The following NR3C2 variants were observed in gnomAD, a reference collection of about 807,000 sequenced individuals.
The protein encoded by NR3C2 is mineralocorticoid receptor.
In NR3C2, 15 loss-of-function variants were observed where a neutral mutation model predicts 86.4. The observed-to-expected ratio is 0.17, with a 90% CI of 0.12 to 0.27. The LOEUF (loss-of-function observed/expected upper bound fraction) is 0.27. Ranked by LOEUF, NR3C2 falls within the 10% of genes least tolerant of loss-of-function variation. The pLI is 1.00. For missense variants in NR3C2, 960 were observed against 1,195.6 expected (o/e 0.80, Z 2.91); for synonymous variants, 458 against 450.5 (o/e 1.02, Z -0.21).
At chr4:148,417,939 T>C (rs924907371) in intron 2 of NR3C2, among the ~76,000 whole-genome samples, 3 of 152,178 alleles carry the variant, frequency 2.0e-5, no homozygotes, top group African/African-American at 7.2e-5. Flanking sequence ...CTGACATTTT[T>C]ACTGGATTCT....
In NR3C2 at chr4:148,436,021, A is replaced by G. The variant is rs1359759506; in HGVS notation, c.840T>C (p.Ser280=). 1 of 1,614,122 alleles carries G rather than the reference A, an allele frequency of 6.2e-7. No homozygotes were observed. Among genetic ancestry groups the G allele is most frequent in the Non-Finnish European group, 8.5e-7 (1 of 1,180,012 alleles). The change falls in exon 2 of 9, where the codon AGT becomes AGC. Residue 280 remains serine, a synonymous_variant. Coordinates refer to ENST00000358102, the MANE Select transcript of NR3C2 (RefSeq NM_000901.5). ...SSISSPPSHC[S]VKSPVSSPNN... is the part of the protein sequence containing the mutation. ...TGGGACTGGAGACTGGAGATTTTAC[A>G]CTGCAGTGACTTGGAGGGCTGGAAA... is the stretch of plus-strand genomic sequence containing the variant.
chr4:148,217,021 T>C lies in NR3C2; in HGVS notation c.1898-22159A>G, dbSNP rs1011062476. Reference sequence around the variant, plus strand: ...AACTGAAACTGAAAGTTAAATTATATCAAGAGCAAAAAGTGGCAAGACAGC... The same window carrying C: ...AACTGAAACTGAAAGTTAAATTATACCAAGAGCAAAAAGTGGCAAGACAGC... On this transcript the variant is annotated intron_variant, in intron 3 of 8. Coordinates refer to ENST00000358102, the MANE Select transcript of NR3C2 (RefSeq NM_000901.5). 5.9e-5 allele frequency among the ~76,000 whole-genome samples: 9 copies of C among 152,126 alleles called. No homozygotes were observed. In the East Asian group the frequency reaches 1.3e-3, roughly 23 times the overall value.
intron 2 of NR3C2, among the ~76,000 whole-genome samples, chr4:148,387,166 C>G (rs1747306508): frequency 2.0e-5 from 3 of 152,184 alleles, no homozygotes; most frequent in African/African-American, 7.2e-5. Context: ...CTGCAGAAAG[C>G]TTAAAGCAGG....
At chr4:148,267,617 A>T (rs747745680) in intron 2 of NR3C2, among the ~76,000 whole-genome samples, 2 of 152,164 alleles carry the variant, frequency 1.3e-5, no homozygotes, top group Non-Finnish European at 2.9e-5. Context: ...CTTTGTGTGC[A>T]TATGGATTTC....
At position 148,320,602 on chromosome 4, in the gene NR3C2, T is replaced by C. The variant is rs1743511905; in HGVS notation, c.1758-60485A>G. The stretch of plus-strand genomic sequence containing the variant: ...ATTCAACTTCTTCCTAGTTTAGTCT[T>C]GGGAGAGTGTATGTGTCGAAGAAGT... On this transcript the variant is annotated intron_variant, in intron 2 of 8. Transcript: ENST00000358102. Among the ~76,000 whole-genome samples the C allele has an allele frequency of 2.0e-5, 3 of 149,938 alleles. No homozygotes were observed. In the South Asian group the frequency reaches 6.5e-4, roughly 32 times the overall value.
rs554523199 is a variant in NR3C2 at position 148,355,422 on chromosome 4, G to T, written c.1757+79682C>A. ...TCAGTCTCTCTTTTGCCCAGAAGCC[G>T]CTACCCTACTCCCACTCTGAACCCT... On this transcript the variant is annotated intron_variant, in intron 2 of 8. Transcript: ENST00000358102. Among the ~76,000 whole-genome samples, 6 of 152,220 alleles carry T rather than the reference G, an allele frequency of 3.9e-5. No individual in the cohort carries two copies. The South Asian group carries it at 1.0e-3, about 26-fold the overall frequency.
rs1470062594 is a variant in NR3C2 at position 148,344,147 on chromosome 4, C to A, written c.1758-84030G>T. ...ACTTAACTACAACAAGGAAGAGAAA[C>A]TTCTACCCACTTTCTCTCTAAAATA... On this transcript the variant is annotated intron_variant, in intron 2 of 8. Coordinates refer to ENST00000358102, the MANE Select transcript of NR3C2 (RefSeq NM_000901.5). Among the ~76,000 whole-genome samples the A allele has an allele frequency of 2.6e-5, 4 of 152,246 alleles. No homozygotes were observed. In the East Asian group the frequency reaches 5.8e-4, roughly 22 times the overall value.
At chr4:148,358,874 T>C (rs989999177) in intron 2 of NR3C2, among the ~76,000 whole-genome samples, 1 of 152,112 alleles carries the variant, frequency 6.6e-6, no homozygotes, top group Non-Finnish European at 1.5e-5. Flanking sequence ...AGAAGAGTAT[T>C]TCCATTAGCC....
intron 8 of NR3C2, among the ~76,000 whole-genome samples, chr4:148,104,194 G>C (rs1416012571): frequency 6.6e-6 from 1 of 152,078 alleles, no homozygotes; most frequent in Non-Finnish European, 1.5e-5. Flanking sequence ...TAGAGATAAT[G>C]TAAGCCCTTA....
intron 8 of NR3C2, among the ~76,000 whole-genome samples, chr4:148,112,902 G>GA (rs1237573533): frequency 6.6e-6 from 1 of 152,028 alleles, no homozygotes; most frequent in Non-Finnish European, 1.5e-5. Flanking sequence ...TTCCTTAATA[G>GA]AAAAATATTT....
At chr4:148,173,721 G>A (rs1560959600) in intron 4 of NR3C2, among the ~76,000 whole-genome samples, 1 of 152,204 alleles carries the variant, frequency 6.6e-6, no homozygotes, top group Non-Finnish European at 1.5e-5. Context: ...GAATCCAGGG[G>A]GCTTCCTTCT....
intron 2 of NR3C2, among the ~76,000 whole-genome samples, chr4:148,330,311 G>A (rs1190834652): frequency 3.3e-5 from 5 of 152,084 alleles, no homozygotes; most frequent in Non-Finnish European, 7.4e-5. Flanking sequence ...CGACGCCTCT[G>A]GCCCACACAC....
chr4:148,229,320 A>G (rs1738343831), intron 3 of NR3C2, among the ~76,000 whole-genome samples: 1 of 152,152 alleles, frequency 6.6e-6, no homozygotes, highest in South Asian at 2.1e-4. Flanking sequence ...GCCTGTTGGC[A>G]GAACCCCCTC....
chr4:148,154,717 C>T lies in NR3C2; in HGVS notation c.2199G>A (p.Ala733=), dbSNP rs536330240. ...LVPQLSTISR[A]LTPSPVMVLE... is the part of the protein sequence containing the mutation. ...GGACCATAACGGGGGAAGGTGTGAG[C>T]GCTCGTGAGATTGTGGAGAGCTGAG... Residue 733 remains alanine (A), a synonymous_variant, in exon 5 of 9, where the codon GCG becomes GCA. Coordinates refer to ENST00000358102, the MANE Select transcript of NR3C2 (RefSeq NM_000901.5). 23 of 1,612,544 alleles carry T rather than the reference C, an allele frequency of 1.4e-5. No homozygotes were observed. The South Asian group carries it at 1.5e-4, about 11-fold the overall frequency.
intron 6 of NR3C2, among the ~76,000 whole-genome samples, chr4:148,127,250 CAATTA>C (rs749025735): frequency 1.9e-4 from 29 of 151,916 alleles, no homozygotes; most frequent in Admixed American, 1.3e-3. Context: ...TTTTTTTGCA[CAATTA>C]AATTAAATGT....
Position 148,212,250 on chromosome 4 carries a change from T to C in NR3C2, c.1898-17388A>G, listed in dbSNP as rs1470174309. 5.3e-5 allele frequency among the ~76,000 whole-genome samples: 8 copies of C among 152,370 alleles called. No individual in the cohort carries two copies. In the South Asian group the frequency reaches 8.3e-4, roughly 16 times the overall value. ...TTGGCAAGTTCTTAGTAGCAATGAT[T>C]GCTTTCTTCTCTATGTGAAGGTTGA... On this transcript the variant is annotated intron_variant, in intron 3 of 8. Coordinates refer to ENST00000358102, the MANE Select transcript of NR3C2 (RefSeq NM_000901.5).
At chr4:148,323,191 G>A (rs1392972558) in intron 2 of NR3C2, among the ~76,000 whole-genome samples, 1 of 128,368 alleles carries the variant, frequency 7.8e-6, no homozygotes, top group African/African-American at 2.6e-5. Flanking sequence ...TAGGCTGCTC[G>A]GGGGTCAGGG....
intron 2 of NR3C2, among the ~76,000 whole-genome samples, chr4:148,402,776 T>C (rs758898586): frequency 1.3e-5 from 2 of 152,094 alleles, no homozygotes; most frequent in East Asian, 1.9e-4. Flanking sequence ...AGCATTAAGA[T>C]TAAAACATAC....
intron 2 of NR3C2, among the ~76,000 whole-genome samples, chr4:148,362,411 C>T (rs997331380): frequency 2.0e-5 from 3 of 152,050 alleles, no homozygotes; most frequent in African/African-American, 7.2e-5. Context: ...TACAATGTCA[C>T]TATGTACCTC....
Sources: allele counts gnomAD v4.1 joint callset (sites outside exome capture counted in the v4.1 genomes callset), GRCh38; gene constraint gnomAD v4.1.1; transcripts MANE v1.5; gene names NCBI Gene and HGNC (gene_info 2026-07-23, HGNC 2026-07-21).